Variants in PAX7 observed in about 807,000 individuals in gnomAD.
The protein encoded by PAX7 is paired box protein Pax-7.
Under a neutral mutation model 50.7 loss-of-function variants are expected in PAX7, and 18 were observed. The ratio of observed to expected loss-of-function variants is 0.36; its 90% confidence interval spans 0.25 to 0.53. PAX7 has a LOEUF of 0.53. PAX7 is among the 20% of genes least tolerant of loss of function. The pLI, the probability that PAX7 is intolerant of heterozygous loss-of-function variation, is 0.93. For synonymous variants in PAX7, 310 were observed against 290.4 expected (o/e 1.07, Z -0.69); for missense variants, 644 against 702.9 (o/e 0.92, Z 0.95).
intron 4 of PAX7, among the ~76,000 whole-genome samples, chr1:18,660,106 C>T (rs572345173): frequency 3.3e-5 from 5 of 152,132 alleles, no homozygotes; most frequent in Admixed American, 1.3e-4. Context: ...TCCTTATCAA[C>T]GCTCCCAAAT....
At position 18,636,328 on chromosome 1, in the gene PAX7, A is replaced by C; in HGVS notation, c.543A>C (p.Glu181Asp). The C allele has an allele frequency of 6.2e-7, 1 of 1,614,248 alleles. No homozygotes were observed. The highest frequency in any genetic ancestry group is 8.5e-7 in the Non-Finnish European group (1 of 1,180,018). The change falls in exon 4 of 9, where the codon GAA (glutamate) becomes GAC (aspartate). Residue 181 changes from glutamate to aspartate, a missense_variant. Transcript: ENST00000420770. This position sits in a 1 kb window ranked among gnomAD's most constrained non-coding sequence, Gnocchi z 5.1. Reference sequence around the variant, plus strand: ...CGGACAAGAAGGAGGACGACGGCGAAAAGAAGGCCAAACACAGCATCGACG... The same window carrying C: ...CGGACAAGAAGGAGGACGACGGCGACAAGAAGGCCAAACACAGCATCGACG... ...DEADKKEDDG[E>D]KKAKHSIDGI... is the part of the protein sequence containing the mutation.
intron 4 of PAX7, among the ~76,000 whole-genome samples, chr1:18,678,672 A>T (rs2088856817): frequency 6.6e-6 from 1 of 152,234 alleles, no homozygotes; most frequent in Non-Finnish European, 1.5e-5. Flanking sequence ...CAAGTGCCAC[A>T]GGGATTCAAG....
chr1:18,744,655 A>AGGATGGAT (rs1931335035), intron 8 of PAX7, among the ~76,000 whole-genome samples, 159 bp from the exon 9 acceptor site: 1 of 62,544 alleles, frequency 1.6e-5, no homozygotes, highest in Non-Finnish European at 3.4e-5. Context: ...ATGAGTAGAC[A>AGGATGGAT]GGACGGATGG....
chr1:18,727,920 G>C (rs1449863584), intron 7 of PAX7, among the ~76,000 whole-genome samples: 1 of 152,012 alleles, frequency 6.6e-6, no homozygotes, highest in Non-Finnish European at 1.5e-5. Context: ...ATCTTGTTTG[G>C]AAGCTCCAAG....
intron 7 of PAX7, among the ~76,000 whole-genome samples, chr1:18,717,009 G>T (rs1273691280): frequency 6.6e-6 from 1 of 151,588 alleles, no homozygotes; most frequent in Non-Finnish European, 1.5e-5. Flanking sequence ...GGTCTGGGGG[G>T]ATCCGCGCGG....
At chr1:18,729,133 A>T (rs1026768185) in intron 7 of PAX7, among the ~76,000 whole-genome samples, 1 of 152,256 alleles carries the variant, frequency 6.6e-6, no homozygotes, top group Non-Finnish European at 1.5e-5. Context: ...GGACACTTTC[A>T]TGCAATTCAG....
intron 4 of PAX7, among the ~76,000 whole-genome samples, chr1:18,644,133 G>A (rs1227732882): frequency 6.6e-6 from 1 of 152,238 alleles, no homozygotes; most frequent in Non-Finnish European, 1.5e-5. Flanking sequence ...GAGTAATGGG[G>A]AGGCAACCCA....
At chr1:18,642,973 C>A (rs550869762) in intron 4 of PAX7, among the ~76,000 whole-genome samples, 2 of 150,368 alleles carry the variant, frequency 1.3e-5, no homozygotes, top group South Asian at 4.2e-4. Context: ...GAGGCGGGGG[C>A]CAAAGGAAAG....
chr1:18,643,575 A>T (rs2088291918), intron 4 of PAX7, among the ~76,000 whole-genome samples: 1 of 152,158 alleles, frequency 6.6e-6, no homozygotes, highest in South Asian at 2.1e-4. Context: ...CAGGCGGATC[A>T]GGAGAGCCAG....
chr1:18,657,402 GA>G lies in PAX7; in HGVS notation c.586+21042del, dbSNP rs548288381. On this transcript the variant is annotated intron_variant, in intron 4 of 8. Coordinates refer to ENST00000420770, the MANE Select transcript of PAX7 (RefSeq NM_001135254.2). ...TGGCCCCATCGCCTCCACCTTCCAT[GA>G]AAAAAAAAAAGCCTGCAGTTTTTAA... Among the ~76,000 whole-genome samples, 427 of 141,576 alleles carry G rather than the reference GA, an allele frequency of 3.0e-3. 2 individuals are homozygous for G. Among genetic ancestry groups the G allele is most frequent in the Non-Finnish European group, 4.3e-3 (279 of 64,528 alleles). 92.9% of individuals were successfully genotyped at this position (141,576 alleles called of 152,430 possible).
At chr1:18,710,406 A>G (rs1318130188) in intron 7 of PAX7, among the ~76,000 whole-genome samples, 8 of 151,564 alleles carry the variant, frequency 5.3e-5, no homozygotes, top group African/African-American at 1.9e-4. Flanking sequence ...TCATGCCCCC[A>G]CCCCTTCATT....
intron 4 of PAX7, among the ~76,000 whole-genome samples, chr1:18,647,142 G>C (rs1268468351): frequency 6.6e-6 from 1 of 152,114 alleles, no homozygotes; most frequent in African/African-American, 2.4e-5. Context: ...CCGGGCCCTG[G>C]TGCAGGGCCT....
chr1:18,700,810 T>C lies in PAX7; in HGVS notation c.944T>C (p.Ile315Thr). ...LPDSTYPTTT[I>T]SQDGGSTVHR... ...GACTCCACCTACCCCACCACCACCA[T>C]CTCCCAAGGTGAGTGTCTTGGCCCC... Residue 315 changes from isoleucine (I) to threonine (T), a missense_variant, in exon 6 of 9, where the codon ATC becomes ACC. By Grantham distance (89) the Ile-to-Thr change is moderately conservative. Transcript: ENST00000420770. This position sits in a 1 kb window ranked among gnomAD's most constrained non-coding sequence, Gnocchi z 4.8. 2 of 1,523,306 alleles carry C rather than the reference T, an allele frequency of 1.3e-6. No individual in the cohort carries two copies. The highest frequency in any genetic ancestry group is 8.8e-7 in the Non-Finnish European group (1 of 1,132,488). 94.4% of individuals were successfully genotyped at this position (1,523,306 alleles called of 1,614,324 possible).
Position 18,631,197 on chromosome 1 carries a change from CTG to C in PAX7, c.-406_-405del, listed in dbSNP as rs2088035042. On this transcript the variant is annotated 5_prime_UTR_variant, in exon 1 of 9. Coordinates refer to ENST00000420770, the MANE Select transcript of PAX7 (RefSeq NM_001135254.2). ...GCGCGAGAGCGCGGCGCTCGCCACT[CTG>C]AGGCTGGCGGCCTCGATTCCGGCCG... is the stretch of plus-strand genomic sequence containing the variant. 4.1e-6 allele frequency: 1 copy of C among 243,932 alleles called. No individual in the cohort carries two copies. The highest frequency in any genetic ancestry group is 8.0e-6 in the Non-Finnish European group (1 of 125,448). 15.1% of individuals were successfully genotyped at this position (243,932 alleles called of 1,614,324 possible). A position where few individuals can be genotyped will look rare whatever the true frequency, so the allele number is the denominator to read the frequency against.
Position 18,636,517 on chromosome 1 carries a change from T to A in PAX7, c.586+146T>A. 1.8e-6 allele frequency: 2 copies of A among 1,089,866 alleles called. No homozygotes were observed. Among genetic ancestry groups the A allele is most frequent in the Non-Finnish European group, 2.6e-6 (2 of 766,514 alleles). 67.5% of individuals were successfully genotyped at this position (1,089,866 alleles called of 1,614,324 possible). On this transcript the variant is annotated intron_variant, in intron 4 of 8. Coordinates refer to ENST00000420770, the MANE Select transcript of PAX7 (RefSeq NM_001135254.2). This position sits in a 1 kb window ranked among gnomAD's most constrained non-coding sequence, Gnocchi z 5.1. ...ATGCTGCGGGGCAGCTGGGAGCCGC[T>A]CAGGCTTTGCCGACAGCGCCCCCTC...
At chr1:18,744,198 C>G (rs773453375) in intron 8 of PAX7, among the ~76,000 whole-genome samples, 8 of 152,136 alleles carry the variant, frequency 5.3e-5, no homozygotes, top group Non-Finnish European at 7.4e-5. Flanking sequence ...GGCAGAGAGA[C>G]CTTGCCCTCA....
intron 4 of PAX7, among the ~76,000 whole-genome samples, chr1:18,657,813 A>T (rs1296130392): frequency 6.6e-6 from 1 of 152,116 alleles, no homozygotes; most frequent in Non-Finnish European, 1.5e-5. Context: ...CTAAAAAAAA[A>T]GACGCCAGCC....
At chr1:18,653,598 GGT>G (rs2088467500) in intron 4 of PAX7, among the ~76,000 whole-genome samples, 1 of 152,096 alleles carries the variant, frequency 6.6e-6, no homozygotes, top group Non-Finnish European at 1.5e-5. Context: ...GATGTATCTG[GGT>G]GTGTTTCTGC....
chr1:18,695,174 G>A (rs2089135212), intron 5 of PAX7, among the ~76,000 whole-genome samples: 1 of 150,590 alleles, frequency 6.6e-6, no homozygotes, highest in Non-Finnish European at 1.5e-5. Flanking sequence ...TGATAATGAT[G>A]TCTACCTTGC....
Sources: gnomAD v4.1 joint callset for allele counts (sites outside exome capture counted in the v4.1 genomes callset) on GRCh38, gnomAD v4.1.1 for gene constraint, Gnocchi (gnomAD v3.1) non-coding constraint, MANE v1.5 for transcripts, NCBI Gene and HGNC (gene_info 2026-07-23, HGNC 2026-07-21) for gene names.